Variants in ATP6V0A1 observed in about 807,000 individuals in gnomAD.
ATP6V0A1 encodes the protein ATPase H+ transporting V0 subunit a1.
In ATP6V0A1, 43 loss-of-function variants were observed where a neutral mutation model predicts 105.4. That is an observed-to-expected ratio of 0.41 (90% confidence interval 0.32 to 0.53). The LOEUF (loss-of-function observed/expected upper bound fraction) is 0.53, where lower values mean the gene tolerates loss of function less well. ATP6V0A1 is among the 20% of genes least tolerant of loss of function. ATP6V0A1 has a pLI of 0.30. For missense variants in ATP6V0A1, 676 were observed against 1,051.1 expected, an observed-to-expected ratio of 0.64 and a Z score of 4.93; for synonymous variants, 362 against 372.8, an observed-to-expected ratio of 0.97 and a Z score of 0.33.
chr17:42,497,086 GC>G (rs1413623734), intron 14 of ATP6V0A1, among the ~76,000 whole-genome samples: 2 of 151,172 alleles, frequency 1.3e-5, no homozygotes, highest in African/African-American at 4.9e-5. Context: ...CAGATGACTT[GC>G]GGTCAGGAAA....
At chr17:42,517,536 A>C (rs1341912490) in intron 21 of ATP6V0A1, among the ~76,000 whole-genome samples, 1 of 152,224 alleles carries the variant, frequency 6.6e-6, no homozygotes, top group Non-Finnish European at 1.5e-5. Flanking sequence ...CCTTTGTGCA[A>C]CTTCCAGAAT....
rs755800332 is a variant in ATP6V0A1, at chr17:42,468,131, A to G, written c.294+24A>G. 9 of 1,492,520 alleles carry G rather than the reference A, an allele frequency of 6.0e-6. No individual in the cohort carries two copies. The South Asian group carries it at 1.1e-4, about 19-fold the overall frequency. 92.5% of individuals were successfully genotyped at this position (1,492,520 alleles called of 1,614,324 possible). A position where few individuals can be genotyped will look rare whatever the true frequency, so the allele number is the denominator to read the frequency against. ...AGGTAAACACTTCTGGGAAAACCAG[A>G]AAAGTTTCTTTCTACTTGAACGCAG... is the stretch of plus-strand genomic sequence containing the variant. On this transcript the variant is annotated intron_variant, in intron 4 of 21. Coordinates refer to ENST00000343619, the MANE Select transcript of ATP6V0A1 (RefSeq NM_001130021.3).
chr17:42,495,928 C>T (rs377665726), intron 14 of ATP6V0A1: 30 of 444,570 alleles, frequency 6.7e-5, no homozygotes, highest in Middle Eastern at 1.3e-3. Flanking sequence ...AAATATTAGC[C>T]GGGCGTGGTG....
intron 21 of ATP6V0A1, among the ~76,000 whole-genome samples, chr17:42,516,797 G>A (rs2092646934): frequency 6.6e-6 from 1 of 152,242 alleles, no homozygotes; most frequent in Non-Finnish European, 1.5e-5. Context: ...AGTGATGAGT[G>A]GCAGGACAGC....
At chr17:42,491,716 C>T (rs2090648059) in intron 11 of ATP6V0A1, among the ~76,000 whole-genome samples, 1 of 152,216 alleles carries the variant, frequency 6.6e-6, no homozygotes, top group African/African-American at 2.4e-5. Context: ...CTCCTGACTT[C>T]AGGTGATCTG....
intron 21 of ATP6V0A1, chr17:42,520,403 C>T (rs775183574): frequency 4.4e-6 from 2 of 456,428 alleles, no homozygotes; most frequent in East Asian, 6.9e-5. Context: ...TGCTGAACTG[C>T]TGGGAAGGGA....
Position 42,497,040 on chromosome 17 carries a change from G to A in ATP6V0A1, c.1560+1324G>A, listed in dbSNP as rs139255077. Among the ~76,000 whole-genome samples the A allele has an allele frequency of 8.0e-3, 1,193 of 150,020 alleles. 50 individuals are homozygous for A. Among genetic ancestry groups the A allele is most frequent in the Admixed American group, 0.071 (1,066 of 15,088 alleles). ...GTATAAGCCAGGCACGGTGGCTCAC[G>A]CCTGTAATCCCAGCACTTTGGGAGG... is the stretch of plus-strand genomic sequence containing the variant. On this transcript the variant is annotated intron_variant, in intron 14 of 21. Coordinates refer to ENST00000343619, the MANE Select transcript of ATP6V0A1 (RefSeq NM_001130021.3).
Position 42,483,118 on chromosome 17 carries a change from A to T in ATP6V0A1, c.797A>T (p.Asp266Val). The T allele has an allele frequency of 6.5e-7, 1 of 1,542,842 alleles. No homozygotes were observed. The highest frequency in any genetic ancestry group is 8.8e-7 in the Non-Finnish European group (1 of 1,139,810). The change falls in exon 9 of 22, where the codon GAT (aspartate) becomes GTT (valine). Residue 266 changes from aspartate to valine, a missense_variant. Transcript: ENST00000343619. ...GCTTCTGGAGTGAATACCAGGATTG[A>T]TGATCTCCAAATGGTATGCAGAAGG... ...EMASGVNTRI[D>V]DLQMVLNQTE...
At chr17:42,488,362 T>C (rs1257517012) in intron 10 of ATP6V0A1, among the ~76,000 whole-genome samples, 1 of 152,232 alleles carries the variant, frequency 6.6e-6, no homozygotes, top group Non-Finnish European at 1.5e-5. Context: ...TGAAAGGTTC[T>C]TAAATAATAG....
intron 17 of ATP6V0A1, among the ~76,000 whole-genome samples, chr17:42,505,597 C>T (rs2091969796): frequency 1.3e-5 from 2 of 151,916 alleles, no homozygotes; most frequent in Non-Finnish European, 2.9e-5. Context: ...TGTGGCCTCC[C>T]AAAGTGCTGG....
Position 42,521,194 on chromosome 17 carries a change from C to T in ATP6V0A1, c.*74C>T. 2 of 1,357,540 alleles carry T rather than the reference C, an allele frequency of 1.5e-6. No homozygotes were observed. The highest frequency in any genetic ancestry group is 2.8e-5 in the South Asian group (2 of 71,516). The allele number at this position is 1,357,540 out of a possible 1,614,324, so 84.1% of individuals were successfully genotyped here. On this transcript the variant is annotated 3_prime_UTR_variant, in exon 22 of 22. Transcript: ENST00000343619. The surrounding 1 kb of genome is among the most constrained non-coding windows in gnomAD (Gnocchi z 4.8). The stretch of plus-strand genomic sequence containing the variant: ...ACAGTGATCAGCTGTGCCTCTCTGC[C>T]TGTTGGTTGTGATCTGTGGGCACCA...
At chr17:42,488,397 A>G (rs1256529407) in intron 10 of ATP6V0A1, among the ~76,000 whole-genome samples, 1 of 152,224 alleles carries the variant, frequency 6.6e-6, no homozygotes, top group Non-Finnish European at 1.5e-5. Flanking sequence ...ATTTTATTCC[A>G]GAGGAAGTTG....
In ATP6V0A1 at chr17:42,483,048, T is replaced by C; in HGVS notation, c.727T>C (p.Ser243Pro). The change falls in exon 9 of 22, where the codon TCA (serine) becomes CCA (proline). Residue 243 changes from serine (S) to proline (P), a missense_variant. Around this residue, in one of 3 missense-constraint regions of ATP6V0A1, gnomAD observed 239 missense variants for 388.4 expected, o/e 0.62. Transcript: ENST00000343619. ...GTTCTTATATTCCAGGTTCCGAGCC[T>C]CACTCTATCCCTGTCCTGAGACACC... is the stretch of plus-strand genomic sequence containing the variant. ...VKKICEGFRA[S>P]LYPCPETPQE... The C allele has an allele frequency of 6.6e-7, 1 of 1,506,256 alleles. No homozygotes were observed. Among genetic ancestry groups the C allele is most frequent in the Non-Finnish European group, 8.9e-7 (1 of 1,123,282 alleles). The allele number at this position is 1,506,256 out of a possible 1,614,324, so 93.3% of individuals were successfully genotyped here. A position where few individuals can be genotyped will look rare whatever the true frequency, so the allele number is the denominator to read the frequency against.
chr17:42,464,170 A>G (rs1311431172), intron 2 of ATP6V0A1, among the ~76,000 whole-genome samples: 1 of 152,160 alleles, frequency 6.6e-6, no homozygotes. Flanking sequence ...TTTGTAAGAA[A>G]CTGCCAACAG....
chr17:42,460,804 C>G (rs1388343504), intron 1 of ATP6V0A1, 44 bp from the exon 2 acceptor site: 3 of 1,038,628 alleles, frequency 2.9e-6, no homozygotes, highest in Non-Finnish European at 4.5e-6. Context: ...GCTCTTAGCC[C>G]TCGTGGTAAT....
chr17:42,468,175 G>A, intron 4 of ATP6V0A1, 68 bp downstream of exon 4: 4 of 1,072,518 alleles, frequency 3.7e-6, no homozygotes, highest in South Asian at 1.6e-5. Context: ...TTCCTGAGCA[G>A]ATAGAGAGTA....
intron 5 of ATP6V0A1, among the ~76,000 whole-genome samples, chr17:42,476,444 GAA>G (rs2088756800): frequency 6.6e-6 from 1 of 152,132 alleles, no homozygotes. Flanking sequence ...AAATGATAGA[GAA>G]AAACTCTTCT....
chr17:42,477,672 G>T lies in ATP6V0A1; in HGVS notation c.436G>T (p.Asp146Tyr), dbSNP rs1335034996. The T allele has an allele frequency of 6.2e-7, 1 of 1,613,860 alleles. No homozygotes were observed. The highest frequency in any genetic ancestry group is 1.1e-5 in the South Asian group (1 of 91,032). Residue 146 changes from aspartate (D) to tyrosine (Y), a missense_variant, in exon 6 of 22, where the codon GAC becomes TAC. Coordinates refer to ENST00000343619, the MANE Select transcript of ATP6V0A1 (RefSeq NM_001130021.3). ...GCATCATCAGCAGATGGCGGATCCA[G>T]ACTTGTTGGAAGAGTCCTCATCCCT... is the stretch of plus-strand genomic sequence containing the variant. ...QQFFDEMADP[D>Y]LLEESSSLLE... is the part of the protein sequence containing the mutation.
At chr17:42,494,500 A>T in intron 12 of ATP6V0A1, 27 bp downstream of exon 12, 1 of 1,574,478 alleles carries the variant, frequency 6.4e-7, no homozygotes, top group South Asian at 1.2e-5. Context: ...ATCTGCATTG[A>T]ACTGAAATTT....
Sources: allele counts gnomAD v4.1 joint callset (sites outside exome capture counted in the v4.1 genomes callset), GRCh38; gene constraint gnomAD v4.1.1; regional missense constraint gnomAD v4.1.1; non-coding constraint Gnocchi (gnomAD v3.1); transcripts MANE v1.5; gene names NCBI Gene and HGNC (gene_info 2026-07-23, HGNC 2026-07-21).